The following MTCL2 variants were observed in gnomAD, a reference collection of about 807,000 sequenced individuals.
The protein encoded by MTCL2 is microtubule cross-linking factor 2.
At chr20:36,793,231 C>T in the MTCL2 span, 1 of 1,544,618 alleles carries the variant, frequency 6.5e-7, no homozygotes, top group Non-Finnish European at 8.7e-7. The surrounding 1 kb of genome is among the most constrained non-coding windows in gnomAD (Gnocchi z 6.8). Context: ...AGAGAAAGGA[C>T]AGATCCCACC....
At chr20:36,859,885 A>G in the MTCL2 span, 1 of 1,231,398 alleles carries the variant, frequency 8.1e-7, no homozygotes, top group Non-Finnish European at 1.0e-6. Flanking sequence ...AGAGTCTAAC[A>G]CATGCTTACT....
the MTCL2 span, among the ~76,000 whole-genome samples, chr20:36,847,945 A>C: frequency 1.3e-5 from 2 of 152,232 alleles, no homozygotes; most frequent in East Asian, 3.9e-4. Context: ...CAGGAGTTCA[A>C]GACCAGCCTT....
At chr20:36,855,434 A>G in the MTCL2 span, among the ~76,000 whole-genome samples, 1 of 152,166 alleles carries the variant, frequency 6.6e-6, no homozygotes, top group African/African-American at 2.4e-5. Flanking sequence ...ACTACCGCAA[A>G]GCAGGTAGAT....
At chr20:36,804,849 C>T in the MTCL2 span, 3 of 1,613,996 alleles carry the variant, frequency 1.9e-6, no homozygotes, top group Non-Finnish European at 2.5e-6. Context: ...GCAGCCAGCA[C>T]AGCTCCTTCA....
At chr20:36,797,655 A>C in the MTCL2 span, 1 of 1,309,986 alleles carries the variant, frequency 7.6e-7, no homozygotes, top group Admixed American at 2.0e-5. Context: ...CATTCCCCAG[A>C]CTCCACTCTG....
At chr20:36,814,963 A>AG in the MTCL2 span, among the ~76,000 whole-genome samples, 343 of 152,162 alleles carry the variant, frequency 2.3e-3, 2 homozygotes, top group African/African-American at 7.6e-3. Flanking sequence ...CAGGAGAGTG[A>AG]GGGGGGGAGA....
chr20:36,810,930 C>T, the MTCL2 span, among the ~76,000 whole-genome samples: 1 of 152,062 alleles, frequency 6.6e-6, no homozygotes, highest in African/African-American at 2.4e-5. Context: ...CCATGTTGCC[C>T]AGGCTCATCT....
At chr20:36,789,340 T>C in the MTCL2 span, among the ~76,000 whole-genome samples, 1 of 152,168 alleles carries the variant, frequency 6.6e-6, no homozygotes, top group Non-Finnish European at 1.5e-5. Flanking sequence ...TGGGTGTTTC[T>C]GTCAGAGTGC....
At chr20:36,803,293 G>C in the MTCL2 span, among the ~76,000 whole-genome samples, 1 of 152,234 alleles carries the variant, frequency 6.6e-6, no homozygotes, top group Non-Finnish European at 1.5e-5. Context: ...CACACAATAA[G>C]GGTTTGAAGA....
the MTCL2 span, among the ~76,000 whole-genome samples, chr20:36,841,942 C>T: frequency 6.7e-6 from 1 of 148,800 alleles, no homozygotes; most frequent in Non-Finnish European, 1.5e-5. Context: ...CCATGTTGCC[C>T]AGGTTGCTCA....
At chr20:36,808,458 C>G in the MTCL2 span, 1 of 1,482,036 alleles carries the variant, frequency 6.7e-7, no homozygotes, top group Non-Finnish European at 9.2e-7. Flanking sequence ...CGTCCCTTCC[C>G]TGTCCCTCTC....
At chr20:36,845,512 T>C in the MTCL2 span, among the ~76,000 whole-genome samples, 1 of 152,264 alleles carries the variant, frequency 6.6e-6, no homozygotes, top group Non-Finnish European at 1.5e-5. Context: ...AGAATGCCCG[T>C]TAGCCCCTGC....
chr20:36,796,620 C>A, the MTCL2 span, among the ~76,000 whole-genome samples: 21 of 152,326 alleles, frequency 1.4e-4, 1 homozygote, highest in African/African-American at 5.1e-4. Flanking sequence ...GTTCCATTCC[C>A]GGACTCAAAC....
At chr20:36,839,380 T>C in the MTCL2 span, 3 of 1,613,350 alleles carry the variant, frequency 1.9e-6, no homozygotes, top group Non-Finnish European at 2.5e-6. The surrounding 1 kb of genome is among the most constrained non-coding windows in gnomAD (Gnocchi z 5.1). Flanking sequence ...CTGATACACG[T>C]CCTCCTCCAT....
chr20:36,848,737 G>T, the MTCL2 span, among the ~76,000 whole-genome samples: 13 of 152,200 alleles, frequency 8.5e-5, no homozygotes, highest in Non-Finnish European at 1.5e-4. Flanking sequence ...CCAGAACTCA[G>T]GGAGTCCATG....
At chr20:36,815,043 C>A in the MTCL2 span, 1 of 1,360,612 alleles carries the variant, frequency 7.3e-7, no homozygotes, top group South Asian at 1.4e-5. This position sits in a 1 kb window ranked among gnomAD's most constrained non-coding sequence, Gnocchi z 5.3. Context: ...GCCTGGCCAG[C>A]GGGGAGAGAC....
chr20:36,799,353 G>A, the MTCL2 span, among the ~76,000 whole-genome samples: 7 of 152,092 alleles, frequency 4.6e-5, no homozygotes, highest in Non-Finnish European at 8.8e-5. Context: ...TTAGACAGGC[G>A]TGGTGGTATA....
chr20:36,806,480 T>C, the MTCL2 span, among the ~76,000 whole-genome samples: 3 of 152,228 alleles, frequency 2.0e-5, no homozygotes, highest in Non-Finnish European at 2.9e-5. Context: ...TTGGTAAATG[T>C]ATATATTTCT....
At chr20:36,793,769 T>G in the MTCL2 span, 1 of 1,541,342 alleles carries the variant, frequency 6.5e-7, no homozygotes, top group East Asian at 2.4e-5. The surrounding 1 kb of genome is among the most constrained non-coding windows in gnomAD (Gnocchi z 6.8). Context: ...TGAGCCATAC[T>G]TGGGGGAGCA....
Sources: gnomAD v4.1 joint callset for allele counts (sites outside exome capture counted in the v4.1 genomes callset) on GRCh38, gnomAD v4.1.1 for gene constraint, Gnocchi (gnomAD v3.1) non-coding constraint, MANE v1.5 for transcripts, NCBI Gene and HGNC (gene_info 2026-07-23, HGNC 2026-07-21) for gene names.